TANC1: variants seen among roughly 807,000 people sequenced by gnomAD.
The protein encoded by TANC1 is tetratricopeptide repeat, ankyrin repeat and coiled-coil containing 1, also known as protein TANC1.
In TANC1, 77 loss-of-function variants were observed where a neutral mutation model predicts 149.7. The ratio of observed to expected loss-of-function variants is 0.51; its 90% CI spans 0.43 to 0.62. The LOEUF is 0.62. Ranked by LOEUF, TANC1 falls within the 20% of genes least tolerant of loss-of-function variation. The pLI is 0.00. For missense variants in TANC1, 1,985 were observed against 2,321.8 expected, an observed-to-expected ratio of 0.85 and a Z score of 2.98; for synonymous variants, 854 against 925.0, an observed-to-expected ratio of 0.92 and a Z score of 1.39.
chr2:159,214,603 A>G (rs2059230939), intron 19 of TANC1, among the ~76,000 whole-genome samples: 1 of 152,240 alleles, frequency 6.6e-6, no homozygotes, highest in African/African-American at 2.4e-5. Flanking sequence ...GTCCCAGTGC[A>G]TGTGAAGGAC....
At chr2:159,205,242 C>A (rs761673562) in intron 19 of TANC1, among the ~76,000 whole-genome samples, 1 of 152,216 alleles carries the variant, frequency 6.6e-6, no homozygotes, top group Non-Finnish European at 1.5e-5. Flanking sequence ...GTGGGCTTCC[C>A]ACATCCAAGG....
intron 13 of TANC1, among the ~76,000 whole-genome samples, chr2:159,176,985 A>G (rs13024700): frequency 0.25 from 34,920 of 141,796 alleles, 5,262 homozygotes; most frequent in Non-Finnish European, 0.35. Flanking sequence ...TCTCGGCTCA[A>G]TGCAGCCTCC....
chr2:159,043,538 C>T (rs2040816998), intron 2 of TANC1, among the ~76,000 whole-genome samples: 1 of 152,172 alleles, frequency 6.6e-6, no homozygotes, highest in Non-Finnish European at 1.5e-5. Flanking sequence ...TGTGTTAAAG[C>T]ACTCTTACTA....
At chr2:159,209,377 G>A (rs967478954) in intron 19 of TANC1, among the ~76,000 whole-genome samples, 3 of 152,274 alleles carry the variant, frequency 2.0e-5, no homozygotes, top group South Asian at 2.1e-4. Context: ...CCTTCCCCTC[G>A]CTCAGAGACG....
intron 4 of TANC1, among the ~76,000 whole-genome samples, chr2:159,127,683 G>T (rs2049604296): frequency 6.6e-6 from 1 of 152,166 alleles, no homozygotes; most frequent in Non-Finnish European, 1.5e-5. Context: ...AACACATGGA[G>T]AAGAACAACA....
rs550602895 is a variant in TANC1 at position 158,995,240 on chromosome 2, T to TG, written c.-125-5833dup. On this transcript the variant is annotated intron_variant, in intron 1 of 26. Transcript: ENST00000263635. ...TGATCTAGTCTTGAAGGTGGCTGGCTGGGGGGGCGCTCAGTTTTGTGTATT... is the reference window on the plus strand; with the variant it reads ...TGATCTAGTCTTGAAGGTGGCTGGCTGGGGGGGGCGCTCAGTTTTGTGTATT... Among the ~76,000 whole-genome samples the TG allele has an allele frequency of 1.1e-3, 165 of 152,164 alleles. 1 individual carries two copies. The South Asian group carries it at 0.019, about 17-fold the overall frequency.
At position 159,092,836 on chromosome 2, in the gene TANC1, C is replaced by G. The variant is rs113072386; in HGVS notation, c.62-4801C>G. Among the ~76,000 whole-genome samples, 860 of 152,342 alleles carry G rather than the reference C, an allele frequency of 5.6e-3. 4 individuals are homozygous for G. The highest frequency in any genetic ancestry group is 0.019 in the African/African-American group (800 of 41,580). ...GCTGACGCCTTATGTATTTAAAATA[C>G]TCACTAAAAATGTGTCGTTTTGGGG... is the stretch of plus-strand genomic sequence containing the variant. On this transcript the variant is annotated intron_variant, in intron 3 of 26. Coordinates refer to ENST00000263635, the MANE Select transcript of TANC1 (RefSeq NM_033394.3).
intron 2 of TANC1, chr2:159,060,216 T>A: frequency 4.3e-6 from 1 of 231,092 alleles, no homozygotes; most frequent in Non-Finnish European, 7.1e-6. Flanking sequence ...TAATTAAGTG[T>A]ACCTTAGTTT....
intron 15 of TANC1, among the ~76,000 whole-genome samples, chr2:159,186,236 A>T (rs1237599182): frequency 6.6e-6 from 1 of 152,096 alleles, no homozygotes; most frequent in Non-Finnish European, 1.5e-5. Context: ...GATTTGTTCG[A>T]GAACCTGAGT....
chr2:159,084,308 A>G (rs1044125097), intron 3 of TANC1, among the ~76,000 whole-genome samples: 15 of 152,170 alleles, frequency 9.9e-5, no homozygotes, highest in African/African-American at 2.6e-4. Flanking sequence ...TCCCCCCCCA[A>G]TACAGGCCTG....
intron 3 of TANC1, among the ~76,000 whole-genome samples, chr2:159,092,868 ATCTT>A (rs1431354353): frequency 6.6e-6 from 1 of 152,154 alleles, no homozygotes; most frequent in Non-Finnish European, 1.5e-5. Flanking sequence ...GGGGATCTCT[ATCTT>A]TTTCCCCAAA....
chr2:159,048,360 C>T (rs961001880), intron 2 of TANC1, among the ~76,000 whole-genome samples: 4 of 152,158 alleles, frequency 2.6e-5, no homozygotes, highest in African/African-American at 9.7e-5. Context: ...TCTGTGGCTT[C>T]GTCTGGATAC....
chr2:158,996,309 G>A lies in TANC1; in HGVS notation c.-125-4771G>A, dbSNP rs547966298. ...TAGGAGGTTGAGGCTGCAGTGAGCC[G>A]AGATCTCACCACTGTACTTCAGCCT... is the stretch of plus-strand genomic sequence containing the variant. On this transcript the variant is annotated intron_variant, in intron 1 of 26. Coordinates refer to ENST00000263635, the MANE Select transcript of TANC1 (RefSeq NM_033394.3). 2.3e-4 allele frequency among the ~76,000 whole-genome samples: 35 copies of A among 151,328 alleles called. 1 individual carries two copies. Among genetic ancestry groups the A allele is most frequent in the Non-Finnish European group, 3.1e-4 (21 of 67,704 alleles).
intron 4 of TANC1, among the ~76,000 whole-genome samples, chr2:159,115,134 G>A (rs780950367): frequency 4.6e-5 from 7 of 151,900 alleles, no homozygotes; most frequent in Admixed American, 3.9e-4. Context: ...GTGACCTCAC[G>A]GAGAAGAGCG....
chr2:158,973,913 G>T (rs1289283846), intron 1 of TANC1, among the ~76,000 whole-genome samples: 1 of 152,144 alleles, frequency 6.6e-6, no homozygotes, highest in South Asian at 2.1e-4. Flanking sequence ...GTAAGAGTTG[G>T]TCATTATTCC....
intron 4 of TANC1, among the ~76,000 whole-genome samples, chr2:159,126,993 G>T (rs1282160161): frequency 2.6e-5 from 4 of 152,214 alleles, no homozygotes; most frequent in Non-Finnish European, 5.9e-5. Flanking sequence ...AAGCAGAAAT[G>T]TTACTCAAGT....
chr2:159,194,687 C>G (rs560749838), intron 17 of TANC1, among the ~76,000 whole-genome samples, 194 bp downstream of exon 17: 5 of 152,242 alleles, frequency 3.3e-5, no homozygotes, highest in Non-Finnish European at 5.9e-5. Context: ...CACAGCAACT[C>G]TGCTTAATGT....
chr2:159,116,458 A>G (rs867296392), intron 4 of TANC1, among the ~76,000 whole-genome samples: 20 of 148,696 alleles, frequency 1.3e-4, no homozygotes, highest in Non-Finnish European at 2.7e-4. Flanking sequence ...CAACAACAAA[A>G]AAAAAAAAAC....
At chr2:159,172,962 A>G (rs1220937631) in intron 11 of TANC1, among the ~76,000 whole-genome samples, 7 of 152,136 alleles carry the variant, frequency 4.6e-5, no homozygotes, top group Non-Finnish European at 1.0e-4. Context: ...AGGGGAGCTG[A>G]ACCGAATCTT....
Sources: gnomAD v4.1 joint callset for allele counts (sites outside exome capture counted in the v4.1 genomes callset) on GRCh38, gnomAD v4.1.1 for gene constraint, MANE v1.5 for transcripts, NCBI Gene and HGNC (gene_info 2026-07-23, HGNC 2026-07-21) for gene names.